Variants in HTR1A observed in about 807,000 individuals in gnomAD.
The protein encoded by HTR1A is 5-hydroxytryptamine receptor 1A, also known as 5-HT1a receptor.
Under a neutral mutation model 24.6 loss-of-function variants are expected in HTR1A, and 17 were observed. That is an observed-to-expected ratio of 0.69 (90% CI 0.47 to 1.04). The LOEUF (loss-of-function observed/expected upper bound fraction) is 1.04, where lower values mean the gene tolerates loss of function less well. Ranked by LOEUF, HTR1A falls within the 50% of genes least tolerant of loss-of-function variation. The probability of loss-of-function intolerance (pLI) is 0.00; values close to 1 mark genes in which losing one functional copy is unlikely to be tolerated. For missense variants in HTR1A, 515 were observed against 565.1 expected, an observed-to-expected ratio of 0.91 and a Z score of 0.90; for synonymous variants, 262 against 244.6, an observed-to-expected ratio of 1.07 and a Z score of -0.67.
At position 63,960,542 on chromosome 5, in the gene HTR1A, G is replaced by C. The variant is rs921728780; in HGVS notation, c.1178C>G (p.Ser393Cys). 5 of 1,614,114 alleles carry C rather than the reference G, an allele frequency of 3.1e-6. No individual in the cohort carries two copies. The African/African-American group carries it at 4.0e-5, about 13-fold the overall frequency. Residue 393 changes from serine to cysteine, a missense_variant, in exon 1 of 1, where the codon TCT (serine) becomes TGT (cysteine). By Grantham distance (112) the Ser-to-Cys change is moderately radical. Coordinates refer to ENST00000323865, the MANE Select transcript of HTR1A (RefSeq NM_000524.4). ...AIINWLGYSN[S>C]LLNPVIYAYF... ...TGCGTAAATGACGGGGTTAAGCAGAGAGTTGGAGTAGCCCAGCCAATTGAT... is the reference window on the plus strand; with the variant it reads ...TGCGTAAATGACGGGGTTAAGCAGACAGTTGGAGTAGCCCAGCCAATTGAT...
rs776942675 is a variant in HTR1A, at chr5:63,961,585, C to A, written c.135G>T (p.Thr45=). The part of the protein sequence containing the change: ...YQVITSLLLG[T]LIFCAVLGNA... ...TGCCCAGCACCGCGCAGAAGATGAGCGTGCCCAGCAGCAGAGAGGTGATCA... is the reference window on the plus strand; with the variant it reads ...TGCCCAGCACCGCGCAGAAGATGAGAGTGCCCAGCAGCAGAGAGGTGATCA... The change falls in exon 1 of 1, where the codon ACG becomes ACT. Residue 45 remains threonine, a synonymous_variant. Transcript: ENST00000323865. The A allele has an allele frequency of 6.2e-7, 1 of 1,614,134 alleles. No homozygotes were observed. The highest frequency in any genetic ancestry group is 8.5e-7 in the Non-Finnish European group (1 of 1,180,040).
Position 63,958,116 on chromosome 5 carries a change from T to C in HTR1A, c.*2335A>G, listed in dbSNP as rs1215004002. The C allele has an allele frequency of 2.6e-5, 4 of 152,242 alleles. No individual in the cohort carries two copies. Among genetic ancestry groups the C allele is most frequent in the Non-Finnish European group, 5.9e-5 (4 of 68,050 alleles). The allele number at this position is 152,242 out of a possible 1,614,324, so 9.4% of individuals were successfully genotyped here. ...AGCAAATTTGGGGTTTGGATTATTT[T>C]AAATATAGACTTTGTTCTTAAAATT... On this transcript the variant is annotated 3_prime_UTR_variant, in exon 1 of 1. Coordinates refer to ENST00000323865, the MANE Select transcript of HTR1A (RefSeq NM_000524.4).
rs149284354 is a variant in HTR1A, at chr5:63,960,865, G to C, written c.855C>G (p.Asp285Glu). The C allele has an allele frequency of 2.4e-5, 39 of 1,613,934 alleles. No homozygotes were observed. Among genetic ancestry groups the C allele is most frequent in the Non-Finnish European group, 2.9e-5 (34 of 1,179,936 alleles). The change falls in exon 1 of 1, where the codon GAC (aspartate) becomes GAG (glutamate). Residue 285 changes from aspartate (D) to glutamate (E), a missense_variant. This residue lies in a region of HTR1A where 381 missense variants were observed against 384.5 expected (regional missense o/e 0.99). Transcript: ENST00000323865. ...LCANGAVRQG[D>E]DGAALEVIEV... ...CGATCACCTCCAGGGCGGCGCCATC[G>C]TCACCTTGCCTCACCGCGCCATTGG...
Position 63,960,254 on chromosome 5 carries a change from C to T in HTR1A, c.*197G>A, listed in dbSNP as rs992150235. The T allele has an allele frequency of 6.1e-6, 4 of 652,500 alleles. No homozygotes were observed. Among genetic ancestry groups the T allele is most frequent in the South Asian group, 3.5e-5 (2 of 56,412 alleles). The allele number at this position is 652,500 out of a possible 1,614,324, so 40.4% of individuals were successfully genotyped here. A position where few individuals can be genotyped will look rare whatever the true frequency, so the allele number is the denominator to read the frequency against. The stretch of plus-strand genomic sequence containing the variant: ...ATTTCCTGGGCTCTCAACGCTCCTC[C>T]GCTGGGTCTCCTTTGCACAAAGGGC... On this transcript the variant is annotated 3_prime_UTR_variant, in exon 1 of 1. Coordinates refer to ENST00000323865, the MANE Select transcript of HTR1A (RefSeq NM_000524.4).
Position 63,961,835 on chromosome 5 carries a change from G to T in HTR1A, c.-116C>A. 1 of 1,060,848 alleles carries T rather than the reference G, an allele frequency of 9.4e-7. No homozygotes were observed. The highest frequency in any genetic ancestry group is 1.4e-6 in the Non-Finnish European group (1 of 697,200). 65.7% of individuals were successfully genotyped at this position (1,060,848 alleles called of 1,614,324 possible). A position where few individuals can be genotyped will look rare whatever the true frequency, so the allele number is the denominator to read the frequency against. On this transcript the variant is annotated 5_prime_UTR_variant, in exon 1 of 1. Transcript: ENST00000323865. ...CTGGGAAGTTTCGGAGGAAGGGAAT[G>T]CAGAGACCCAAGCAGGAAGTTCTTA...
In HTR1A at chr5:63,960,828, C is replaced by T; in HGVS notation, c.892G>A (p.Val298Met). Reference sequence around the variant, plus strand: ...GGCAAGTGCTCTTTGGAGTTGCCCACTCGGTGCACCTCGATCACCTCCAGG... The same window carrying T: ...GGCAAGTGCTCTTTGGAGTTGCCCATTCGGTGCACCTCGATCACCTCCAGG... ...AALEVIEVHR[V>M]GNSKEHLPLP... is the part of the protein sequence containing the mutation. The change falls in exon 1 of 1, where the codon GTG (valine) becomes ATG (methionine). Residue 298 changes from valine to methionine, a missense_variant. Physicochemically the swap from Val to Met is conservative, Grantham distance 21. This residue lies in a region of HTR1A where 381 missense variants were observed against 384.5 expected (regional missense o/e 0.99). Transcript: ENST00000323865. 6.2e-7 allele frequency: 1 copy of T among 1,614,172 alleles called. No homozygotes were observed. Among genetic ancestry groups the T allele is most frequent in the Non-Finnish European group, 8.5e-7 (1 of 1,180,010 alleles).
In HTR1A at chr5:63,958,929, G is replaced by T. The variant is rs191608643; in HGVS notation, c.*1522C>A. 6.6e-6 allele frequency among the ~76,000 whole-genome samples: 1 copy of T among 152,246 alleles called. No homozygotes were observed. Among genetic ancestry groups the T allele is most frequent in the East Asian group, 1.9e-4 (1 of 5,162 alleles). ...AGACCACCTCCTAACTAGTCCTTTA[G>T]GACCCTGCTATTTAAACTATCTGCC... is the stretch of plus-strand genomic sequence containing the variant. On this transcript the variant is annotated 3_prime_UTR_variant, in exon 1 of 1. Transcript: ENST00000323865.
In HTR1A at chr5:63,962,094, A is replaced by G. The variant is rs1746452723; in HGVS notation, c.-375T>C. 2.7e-6 allele frequency: 1 copy of G among 370,720 alleles called. No homozygotes were observed. Among genetic ancestry groups the G allele is most frequent in the African/African-American group, 2.1e-5 (1 of 47,924 alleles). The allele number at this position is 370,720 out of a possible 1,614,324, so 23.0% of individuals were successfully genotyped here. A position where few individuals can be genotyped will look rare whatever the true frequency, so the allele number is the denominator to read the frequency against. ...TCTCCCCACTAGCAAACAGTCTCCAATCCCAGAAATATCTAGAACCGAGAA... is the reference window on the plus strand; with the variant it reads ...TCTCCCCACTAGCAAACAGTCTCCAGTCCCAGAAATATCTAGAACCGAGAA... On this transcript the variant is annotated 5_prime_UTR_variant, in exon 1 of 1. Coordinates refer to ENST00000323865, the MANE Select transcript of HTR1A (RefSeq NM_000524.4).
At position 63,959,166 on chromosome 5, in the gene HTR1A, A is replaced by T. The variant is rs1039815486; in HGVS notation, c.*1285T>A. Among the ~76,000 whole-genome samples, 114 of 152,212 alleles carry T rather than the reference A, an allele frequency of 7.5e-4. 2 individuals are homozygous for T. The highest frequency in any genetic ancestry group is 4.4e-4 in the Non-Finnish European group (30 of 68,036). On this transcript the variant is annotated 3_prime_UTR_variant, in exon 1 of 1. Transcript: ENST00000323865. ...GGAGGAAAAATTCTACATCGTAAGGATAAAATTGCTCTTTCAGGTTTTACT... is the reference window on the plus strand; with the variant it reads ...GGAGGAAAAATTCTACATCGTAAGGTTAAAATTGCTCTTTCAGGTTTTACT...
Position 63,960,379 on chromosome 5 carries a change from C to T in HTR1A, c.*72G>A. On this transcript the variant is annotated 3_prime_UTR_variant, in exon 1 of 1. Transcript: ENST00000323865. ...TGGCGAATTATCTTAAGTGTTGATT[C>T]CCTAGGGTTGGGGGAAGCATAGTGA... 1 of 1,461,490 alleles carries T rather than the reference C, an allele frequency of 6.8e-7. No homozygotes were observed. Among genetic ancestry groups the T allele is most frequent in the Non-Finnish European group, 9.6e-7 (1 of 1,042,110 alleles). The allele number at this position is 1,461,490 out of a possible 1,614,324, so 90.5% of individuals were successfully genotyped here. A position where few individuals can be genotyped will look rare whatever the true frequency, so the allele number is the denominator to read the frequency against.
At position 63,961,056 on chromosome 5, in the gene HTR1A, C is replaced by A; in HGVS notation, c.664G>T (p.Ala222Ser). The A allele has an allele frequency of 6.2e-7, 1 of 1,614,232 alleles. No homozygotes were observed. Reference protein sequence around the residue: ...LVLYGRIFRAARFRIRKTVKK... With the variant: ...LVLYGRIFRASRFRIRKTVKK... ...ACCGTCTTGCGGATGCGGAAGCGCG[C>A]AGCTCGGAATATGCGCCCATAGAGA... Residue 222 changes from alanine to serine, a missense_variant, in exon 1 of 1, where the codon GCG (alanine) becomes TCG (serine). Physicochemically the swap from Ala to Ser is moderately conservative, Grantham distance 99 (BLOSUM62 1). Coordinates refer to ENST00000323865, the MANE Select transcript of HTR1A (RefSeq NM_000524.4).
chr5:63,960,574 G>C lies in HTR1A; in HGVS notation c.1146C>G (p.Gly382=). The change falls in exon 1 of 1, where the codon GGC becomes GGG. Residue 382 remains glycine (G), a synonymous_variant. Coordinates refer to ENST00000323865, the MANE Select transcript of HTR1A (RefSeq NM_000524.4). Reference sequence around the variant, plus strand: ...AGTAGCCCAGCCAATTGATTATGGCGCCCAACAGGGTGGGCATGTGGCAGC... The same window carrying C: ...AGTAGCCCAGCCAATTGATTATGGCCCCCAACAGGGTGGGCATGTGGCAGC... The part of the protein sequence containing the change: ...ESSCHMPTLL[G]AIINWLGYSN... 6.2e-7 allele frequency: 1 copy of C among 1,614,172 alleles called. No homozygotes were observed.
chr5:63,961,326 G>A lies in HTR1A; in HGVS notation c.394C>T (p.Leu132=), dbSNP rs370108478. ...TCCGTGATGGCCCAGTACCTGTCCA[G>A]CGCGATGGCGCACAGGTGCAAGATG... ...SSILHLCAIA[L]DRYWAITDPI... The change falls in exon 1 of 1, where the codon CTG becomes TTG. Residue 132 remains leucine, a synonymous_variant. Coordinates refer to ENST00000323865, the MANE Select transcript of HTR1A (RefSeq NM_000524.4). 1.2e-6 allele frequency: 2 copies of A among 1,614,106 alleles called. No homozygotes were observed. The highest frequency in any genetic ancestry group is 4.5e-5 in the East Asian group (2 of 44,842).
In HTR1A at chr5:63,960,945, C is replaced by T. The variant is rs865852563; in HGVS notation, c.775G>A (p.Gly259Arg). Residue 259 changes from glycine to arginine, a missense_variant, in exon 1 of 1, where the codon GGG (glycine) becomes AGG (arginine). Gly to Arg is a moderately radical substitution (Grantham distance 125). Around this residue, in one of 3 missense-constraint regions of HTR1A, gnomAD observed 381 missense variants for 384.5 expected, o/e 0.99. Transcript: ENST00000323865. Reference protein sequence around the residue: ...QPKKSVNGESGSRNWRLGVES... With the variant: ...QPKKSVNGESRSRNWRLGVES... ...ACGCCCAGCCTCCAGTTCCTGCTCC[C>T]CGACTCTCCATTCACACTCTTCTTG... 26 of 1,614,072 alleles carry T rather than the reference C, an allele frequency of 1.6e-5. No homozygotes were observed. The highest frequency in any genetic ancestry group is 2.1e-5 in the Non-Finnish European group (25 of 1,180,050).
rs1440620503 is a variant in HTR1A at position 63,960,995 on chromosome 5, T to C, written c.725A>G (p.His242Arg). Residue 242 changes from histidine (H) to arginine (R), a missense_variant, in exon 1 of 1, where the codon CAT becomes CGT. By Grantham distance (29) the His-to-Arg change is conservative. This residue lies in a region of HTR1A where 381 missense variants were observed against 384.5 expected (regional missense o/e 0.99). Coordinates refer to ENST00000323865, the MANE Select transcript of HTR1A (RefSeq NM_000524.4). ...GGGCTGCGGGGCGGGAGATGCTCCA[T>C]GGCGGGTGTCCGCTCCGGTCTTCTC... ...KVEKTGADTR[H>R]GASPAPQPKK... 1 of 1,614,082 alleles carries C rather than the reference T, an allele frequency of 6.2e-7. No individual in the cohort carries two copies. Among genetic ancestry groups the C allele is most frequent in the South Asian group, 1.1e-5 (1 of 91,092 alleles).
Position 63,960,700 on chromosome 5 carries a change from C to T in HTR1A, c.1020G>A (p.Glu340=), listed in dbSNP as rs1335735603. Reference sequence around the variant, plus strand: ...TGCCCAGCGTCTTCACTGTCTTCCTCTCTCGGGCCAGGGCCATCTTGCGCT... The same window carrying T: ...TGCCCAGCGTCTTCACTGTCTTCCTTTCTCGGGCCAGGGCCATCTTGCGCT... ...EAKRKMALAR[E]RKTVKTLGII... Residue 340 remains glutamate (E), a synonymous_variant, in exon 1 of 1, where the codon GAG becomes GAA. Coordinates refer to ENST00000323865, the MANE Select transcript of HTR1A (RefSeq NM_000524.4). The T allele has an allele frequency of 3.1e-6, 5 of 1,614,252 alleles. No homozygotes were observed. The South Asian group carries it at 3.3e-5, about 11-fold the overall frequency.
chr5:63,961,270 G>A lies in HTR1A; in HGVS notation c.450C>T (p.Pro150=), dbSNP rs779307426. Residue 150 remains proline (P), a synonymous_variant, in exon 1 of 1, where the codon CCC becomes CCT. Transcript: ENST00000323865. ...GCGAGATGAGCGCAGCGGCGCGCCG[G>A]GGCGTCCTCTTGTTCACGTAGTCGA... ...DPIDYVNKRT[P]RRAAALISLT... is the part of the protein sequence containing the mutation. 40 of 1,614,028 alleles carry A rather than the reference G, an allele frequency of 2.5e-5. No individual in the cohort carries two copies. The highest frequency in any genetic ancestry group is 3.2e-5 in the Non-Finnish European group (38 of 1,180,016).
At position 63,960,727 on chromosome 5, in the gene HTR1A, C is replaced by T; in HGVS notation, c.993G>A (p.Ala331=). 6.2e-7 allele frequency: 1 copy of T among 1,614,248 alleles called. No homozygotes were observed. The highest frequency in any genetic ancestry group is 8.5e-7 in the Non-Finnish European group (1 of 1,180,038). The change falls in exon 1 of 1, where the codon GCG becomes GCA. Residue 331 remains alanine (A), a synonymous_variant. Coordinates refer to ENST00000323865, the MANE Select transcript of HTR1A (RefSeq NM_000524.4). ...CTCGGGCCAGGGCCATCTTGCGCTT[C>T]GCCTCGGCGTTGCGCTCATTTTTCC... The part of the protein sequence containing the change: ...FERKNERNAE[A]KRKMALARER...
rs1328828938 is a variant in HTR1A at position 63,958,993 on chromosome 5, C to T, written c.*1458G>A. On this transcript the variant is annotated 3_prime_UTR_variant, in exon 1 of 1. Coordinates refer to ENST00000323865, the MANE Select transcript of HTR1A (RefSeq NM_000524.4). ...AGTGCTAACCTATGGACTATCTGGG[C>T]ATTCCATTGAAAGCCCAGAATTCCT... 6.6e-6 allele frequency among the ~76,000 whole-genome samples: 1 copy of T among 152,186 alleles called. No individual in the cohort carries two copies. Among genetic ancestry groups the T allele is most frequent in the Non-Finnish European group, 1.5e-5 (1 of 68,040 alleles).
Sources: allele counts gnomAD v4.1 joint callset (sites outside exome capture counted in the v4.1 genomes callset), GRCh38; gene constraint gnomAD v4.1.1; regional missense constraint gnomAD v4.1.1; transcripts MANE v1.5; gene names NCBI Gene and HGNC (gene_info 2026-07-23, HGNC 2026-07-21).